Variants in HDX observed in about 807,000 individuals in gnomAD.
The protein encoded by HDX is highly divergent homeobox, also known as chromosome X open reading frame 43.
A neutral mutation model predicts 45.2 loss-of-function variants in HDX; 19 were observed. The ratio of observed to expected loss-of-function variants is 0.42; its 90% CI spans 0.29 to 0.62. The LOEUF (loss-of-function observed/expected upper bound fraction) is 0.62, where lower values mean the gene tolerates loss of function less well. Ranked by LOEUF, HDX falls within the 20% of genes least tolerant of loss-of-function variation. HDX has a pLI of 0.20. For missense variants in HDX, 532 were observed against 493.9 expected, an observed-to-expected ratio of 1.08 and a Z score of -0.73; for synonymous variants, 188 against 172.8, an observed-to-expected ratio of 1.09 and a Z score of -0.69.
intron 6 of HDX, among the ~76,000 whole-genome samples, chrX:84,351,017 ATC>A (rs1180522510): frequency 1.2e-4 from 10 of 83,217 alleles, no homozygotes; most frequent in African/African-American, 4.9e-4. Context: ...CAGGCTATCT[ATC>A]TATCTATCTA....
At chrX:84,449,965 G>A (rs2039961660) in intron 4 of HDX, among the ~76,000 whole-genome samples, 1 of 110,363 alleles carries the variant, frequency 9.1e-6, no homozygotes, top group African/African-American at 3.3e-5. Flanking sequence ...GTGGGGTGGG[G>A]GGAAGGGGAG....
chrX:84,465,354 T>C (rs191511030), intron 4 of HDX, among the ~76,000 whole-genome samples: 39 of 112,217 alleles, frequency 3.5e-4, no homozygotes, highest in Admixed American at 7.5e-4. Flanking sequence ...CATTCTACTA[T>C]AAAGACACAT....
intron 4 of HDX, among the ~76,000 whole-genome samples, chrX:84,443,836 T>C (rs2039814891): frequency 8.9e-6 from 1 of 112,028 alleles, no homozygotes; most frequent in Non-Finnish European, 1.9e-5. Flanking sequence ...GAAATAAGTA[T>C]ATATAACTTT....
At chrX:84,428,765 T>C (rs2039440562) in intron 5 of HDX, among the ~76,000 whole-genome samples, 1 of 111,042 alleles carries the variant, frequency 9.0e-6, no homozygotes, top group Admixed American at 9.6e-5. Context: ...GCTTTTAATG[T>C]GAAATCTAAG....
intron 5 of HDX, among the ~76,000 whole-genome samples, chrX:84,370,672 G>A (rs749353868): frequency 2.1e-4 from 23 of 111,868 alleles, no homozygotes; most frequent in African/African-American, 7.5e-4. Flanking sequence ...ACATTGCTCG[G>A]CTAACATTTT....
intron 5 of HDX, among the ~76,000 whole-genome samples, chrX:84,367,978 A>G (rs1356124697): frequency 1.3e-4 from 15 of 111,906 alleles, no homozygotes; most frequent in Non-Finnish European, 2.8e-4. Flanking sequence ...CTGCACATGT[A>G]TCCCAGAACT....
chrX:84,454,163 G>T (rs141324049), intron 4 of HDX, among the ~76,000 whole-genome samples: 13 of 111,470 alleles, frequency 1.2e-4, no homozygotes, highest in Non-Finnish European at 1.9e-5. Flanking sequence ...TGGGCATGGG[G>T]AAAGACACCT....
intron 1 of HDX, among the ~76,000 whole-genome samples, chrX:84,499,243 A>T (rs994491362): frequency 9.0e-6 from 1 of 111,672 alleles, no homozygotes; most frequent in African/African-American, 3.2e-5. Context: ...GCTTATCACT[A>T]TAAAATCTCT....
At chrX:84,350,550 T>C (rs1341968377) in intron 6 of HDX, among the ~76,000 whole-genome samples, 2 of 111,949 alleles carry the variant, frequency 1.8e-5, no homozygotes, top group Non-Finnish European at 3.8e-5. Context: ...GTCTCCTTGA[T>C]AAAATTTACC....
intron 5 of HDX, among the ~76,000 whole-genome samples, chrX:84,430,710 T>G (rs2039483160): frequency 1.8e-5 from 2 of 109,954 alleles, no homozygotes; most frequent in African/African-American, 6.6e-5. Context: ...CTTTGATAAT[T>G]GTCATCCTAA....
chrX:84,498,253 G>T (rs1328593501), intron 1 of HDX, among the ~76,000 whole-genome samples: 1 of 111,714 alleles, frequency 9.0e-6, no homozygotes, highest in Admixed American at 9.5e-5. Flanking sequence ...CTTATACCTA[G>T]ATCTCTGGTT....
intron 5 of HDX, among the ~76,000 whole-genome samples, chrX:84,367,902 T>A (rs767674248): frequency 8.4e-4 from 94 of 111,753 alleles, no homozygotes; most frequent in Non-Finnish European, 1.5e-3. Flanking sequence ...CTAATGTAGA[T>A]GACGGGTTGA....
intron 5 of HDX, among the ~76,000 whole-genome samples, chrX:84,438,275 T>C (rs2039683837): frequency 9.0e-6 from 1 of 111,504 alleles, no homozygotes; most frequent in African/African-American, 3.3e-5. Context: ...AGTTCTACTT[T>C]TTGGGGAAGA....
At chrX:84,383,403 T>C (rs1024864099) in intron 5 of HDX, among the ~76,000 whole-genome samples, 11 of 111,980 alleles carry the variant, frequency 9.8e-5, no homozygotes, top group African/African-American at 3.6e-4. Context: ...TAATGTGTAG[T>C]ATGTATAGTT....
intron 5 of HDX, among the ~76,000 whole-genome samples, chrX:84,389,299 T>C (rs1375747486): frequency 5.4e-5 from 6 of 111,919 alleles, no homozygotes; most frequent in Admixed American, 1.9e-4. Flanking sequence ...TTTTGTTAGA[T>C]ATTGTGGGCC....
intron 4 of HDX, among the ~76,000 whole-genome samples, chrX:84,468,243 G>T (rs887396939): frequency 9.0e-6 from 1 of 111,225 alleles, no homozygotes; most frequent in Non-Finnish European, 1.9e-5. Flanking sequence ...TAAATGCAGG[G>T]AAAGACTGCC....
intron 5 of HDX, among the ~76,000 whole-genome samples, chrX:84,414,188 C>T (rs1226931409): frequency 8.9e-6 from 1 of 111,845 alleles, no homozygotes; most frequent in Admixed American, 9.5e-5. Context: ...CTTGATTTGT[C>T]ATAATCACCT....
At chrX:84,500,839 G>A (rs1447641474) in intron 1 of HDX, among the ~76,000 whole-genome samples, 1 of 111,499 alleles carries the variant, frequency 9.0e-6, no homozygotes, top group Non-Finnish European at 1.9e-5. Flanking sequence ...AAATTCGGGT[G>A]GAATTAGGCT....
intron 2 of HDX, among the ~76,000 whole-genome samples, chrX:84,480,856 G>A (rs1254575807): frequency 3.6e-5 from 4 of 110,847 alleles, no homozygotes; most frequent in Admixed American, 2.9e-4. Flanking sequence ...TAGTACTAGG[G>A]TAATGAGTTA....
Sources: gnomAD v4.1 joint callset for allele counts (sites outside exome capture counted in the v4.1 genomes callset) on GRCh38, gnomAD v4.1.1 for gene constraint, MANE v1.5 for transcripts, NCBI Gene and HGNC (gene_info 2026-07-23, HGNC 2026-07-21) for gene names.